The following PACRG variants were observed in gnomAD, a reference collection of about 807,000 sequenced individuals.
PACRG encodes the protein parkin coregulated.
In PACRG, 29 loss-of-function variants were observed where a neutral mutation model predicts 29.7. The ratio of observed to expected loss-of-function variants is 0.98; its 90% CI spans 0.73 to 1.33. The LOEUF (loss-of-function observed/expected upper bound fraction) is 1.33. Among genes scored for constraint, PACRG ranks in the 40% most tolerant of loss-of-function variants. The pLI is 0.00. For missense variants in PACRG, 279 were observed against 316.2 expected (o/e 0.88, Z 0.89); for synonymous variants, 116 against 118.7 (o/e 0.98, Z 0.15).
intron 2 of PACRG, among the ~76,000 whole-genome samples, chr6:162,814,979 C>G (rs922778380): frequency 6.6e-6 from 1 of 152,216 alleles, no homozygotes; most frequent in African/African-American, 2.4e-5. Flanking sequence ...TTGCCAATCT[C>G]TTAACCGGAG....
At chr6:163,192,084 T>TG in intron 4 of PACRG, 1 of 205,846 alleles carries the variant, frequency 4.9e-6, no homozygotes, top group African/African-American at 2.3e-5. Context: ...GTTGTGCAGC[T>TG]GCCTCCAGAG....
chr6:163,240,789 C>A (rs1478578630), intron 4 of PACRG, among the ~76,000 whole-genome samples: 1 of 152,242 alleles, frequency 6.6e-6, no homozygotes, highest in Non-Finnish European at 1.5e-5. Flanking sequence ...GTGGTCCATT[C>A]CGGAGCGCAG....
intron 1 of PACRG, among the ~76,000 whole-genome samples, chr6:162,794,565 A>G (rs555210206): frequency 1.4e-4 from 22 of 152,272 alleles, no homozygotes; most frequent in African/African-American, 5.1e-4. Context: ...GTTAATTTTC[A>G]TATGGTTTGG....
At chr6:163,071,525 T>C (rs911125428) in intron 3 of PACRG, among the ~76,000 whole-genome samples, 2 of 151,666 alleles carry the variant, frequency 1.3e-5, no homozygotes, top group African/African-American at 2.4e-5. Context: ...AGCAGAAACA[T>C]GAGATACAGC....
intron 2 of PACRG, among the ~76,000 whole-genome samples, chr6:162,931,621 G>A (rs1314797153): frequency 6.6e-6 from 1 of 151,882 alleles, no homozygotes. Flanking sequence ...AAAATCAGTT[G>A]TCTCCAAGGA....
At chr6:162,801,721 T>G (rs1785894146) in intron 1 of PACRG, among the ~76,000 whole-genome samples, 1 of 152,128 alleles carries the variant, frequency 6.6e-6, no homozygotes, top group African/African-American at 2.4e-5. Context: ...ATGAATTTTA[T>G]TGCAAGAGAT....
chr6:163,262,559 A>G (rs577505781), intron 4 of PACRG, among the ~76,000 whole-genome samples: 58 of 152,062 alleles, frequency 3.8e-4, no homozygotes, highest in Non-Finnish European at 6.2e-4. Flanking sequence ...ATATATCACA[A>G]ATTGACATGT....
At chr6:162,729,910 T>A (rs768748673) in intron 1 of PACRG, among the ~76,000 whole-genome samples, 1 of 152,246 alleles carries the variant, frequency 6.6e-6, no homozygotes, top group East Asian at 1.9e-4. Flanking sequence ...GGCTTCTTTA[T>A]AAACAACTTA....
intron 2 of PACRG, among the ~76,000 whole-genome samples, chr6:162,986,709 T>C (rs1258393540): frequency 6.6e-6 from 1 of 152,120 alleles, no homozygotes; most frequent in Non-Finnish European, 1.5e-5. Flanking sequence ...GATAATTAGA[T>C]AGGACTTTAT....
At chr6:163,201,063 T>G (rs1292943371) in intron 4 of PACRG, among the ~76,000 whole-genome samples, 2 of 152,216 alleles carry the variant, frequency 1.3e-5, no homozygotes. Flanking sequence ...TCTGTTCACG[T>G]TTTTCAAATG....
intron 1 of PACRG, among the ~76,000 whole-genome samples, chr6:162,802,279 T>C (rs1042852958): frequency 2.0e-5 from 3 of 152,190 alleles, no homozygotes; most frequent in Non-Finnish European, 2.9e-5. Flanking sequence ...ATAAATGATA[T>C]AGGTAAAAGT....
chr6:162,967,509 CTT>C (rs796970466), intron 2 of PACRG, among the ~76,000 whole-genome samples: 32 of 142,938 alleles, frequency 2.2e-4, no homozygotes, highest in Non-Finnish European at 2.6e-4. Flanking sequence ...TGAACTTTCT[CTT>C]TTTTTTTTTT....
At chr6:162,906,551 G>C (rs2128067950) in intron 2 of PACRG, among the ~76,000 whole-genome samples, 1 of 152,298 alleles carries the variant, frequency 6.6e-6, no homozygotes, top group Middle Eastern at 3.4e-3. Context: ...ACTTAATATT[G>C]GTGATCACGA....
At chr6:162,914,300 A>T (rs1280424642) in intron 2 of PACRG, among the ~76,000 whole-genome samples, 2 of 152,014 alleles carry the variant, frequency 1.3e-5, no homozygotes, top group Non-Finnish European at 2.9e-5. Context: ...ATCATTTGTT[A>T]GAAAGATTAT....
chr6:162,995,372 G>T (rs1416168314), intron 2 of PACRG, among the ~76,000 whole-genome samples: 2 of 151,868 alleles, frequency 1.3e-5, no homozygotes, highest in Admixed American at 6.6e-5. Flanking sequence ...ATCTCAGACT[G>T]CTGTGCTAGC....
At chr6:163,293,500 G>T (rs530648157) in intron 4 of PACRG, among the ~76,000 whole-genome samples, 1 of 152,160 alleles carries the variant, frequency 6.6e-6, no homozygotes, top group Admixed American at 6.5e-5. Context: ...GTCCCAGGCC[G>T]ACTGCTGACC....
rs1362501867 is a variant in PACRG, at chr6:163,082,488, G to T, written c.464-6771G>T. Reference sequence around the variant, plus strand: ...TATTAAAACACAAAGTTACAATCATGAATAATAATATGTAATAACAAAAGA... The same window carrying T: ...TATTAAAACACAAAGTTACAATCATTAATAATAATATGTAATAACAAAAGA... On this transcript the variant is annotated intron_variant, in intron 3 of 4. Coordinates refer to ENST00000366888, the MANE Select transcript of PACRG (RefSeq NM_001080379.2). Among the ~76,000 whole-genome samples the T allele has an allele frequency of 2.6e-5, 4 of 152,230 alleles. No homozygotes were observed. The East Asian group carries it at 7.7e-4, about 29-fold the overall frequency.
intron 4 of PACRG, among the ~76,000 whole-genome samples, chr6:163,125,221 G>A (rs1172784079): frequency 6.6e-6 from 1 of 152,158 alleles, no homozygotes; most frequent in Non-Finnish European, 1.5e-5. Context: ...AAGTCAGGAG[G>A]TATGTCTCAT....
At chr6:163,313,372 A>T (rs1785513503) in intron 4 of PACRG, among the ~76,000 whole-genome samples, 1 of 152,112 alleles carries the variant, frequency 6.6e-6, no homozygotes, top group Non-Finnish European at 1.5e-5. Flanking sequence ...AGAAAAGAAT[A>T]AGGATAGAAA....
Sources: allele counts gnomAD v4.1 joint callset (sites outside exome capture counted in the v4.1 genomes callset), GRCh38; gene constraint gnomAD v4.1.1; transcripts MANE v1.5; gene names NCBI Gene and HGNC (gene_info 2026-07-23, HGNC 2026-07-21).